The following PTPRN2 variants were observed in gnomAD, a reference collection of about 807,000 sequenced individuals.
PTPRN2 encodes protein tyrosine phosphatase receptor type N2, also known as receptor-type tyrosine-protein phosphatase N2.
A neutral mutation model predicts 118.8 loss-of-function variants in PTPRN2; 74 were observed. That is an observed-to-expected ratio of 0.62 (90% CI 0.52 to 0.76). The LOEUF is 0.76. PTPRN2 is among the 30% of genes least tolerant of loss of function. The pLI is 0.00. For missense variants in PTPRN2, 1,481 were observed against 1,394.4 expected, an observed-to-expected ratio of 1.06 and a Z score of -0.99; for synonymous variants, 641 against 608.0, an observed-to-expected ratio of 1.05 and a Z score of -0.80.
chr7:158,098,560 G>A (rs1814869382), intron 10 of PTPRN2, among the ~76,000 whole-genome samples: 1 of 152,204 alleles, frequency 6.6e-6, no homozygotes, highest in Non-Finnish European at 1.5e-5. Flanking sequence ...CAGGGGCAGG[G>A]AGCAGGCACG....
At position 157,596,346 on chromosome 7, in the gene PTPRN2, C is replaced by T. The variant is rs1346881339; in HGVS notation, c.2419-1031G>A. 7.9e-5 allele frequency among the ~76,000 whole-genome samples: 12 copies of T among 152,214 alleles called. No homozygotes were observed. The highest frequency in any genetic ancestry group is 7.9e-4 in the Admixed American group (12 of 15,282). On this transcript the variant is annotated intron_variant, in intron 16 of 22. Transcript: ENST00000389418. This position sits in a 1 kb window ranked among gnomAD's most constrained non-coding sequence, Gnocchi z 4.2. ...GGGAGTGGCCTCCTGTTCTGTTTCC[C>T]CACCAGGCAGGGACCAGAAACAAAG...
At position 158,428,881 on chromosome 7, in the gene PTPRN2, G is replaced by T. The variant is rs9638062; in HGVS notation, c.163+60854C>A. On this transcript the variant is annotated intron_variant, in intron 2 of 22. Transcript: ENST00000389418. The stretch of plus-strand genomic sequence containing the variant: ...AATGGAAATTATAAAAGCAGCTACC[G>T]TCATGCAGATCGTCCTGGGGGCATC... 2.6e-5 allele frequency among the ~76,000 whole-genome samples: 4 copies of T among 152,342 alleles called. 1 individual carries two copies. Among genetic ancestry groups the T allele is most frequent in the African/African-American group, 9.6e-5 (4 of 41,586 alleles).
rs570060875 is a variant in PTPRN2, at chr7:158,315,588, G to C, written c.277+1231C>G. ...CAGAGGTGATTGGAAACCCTCCTGT[G>C]AGCAGAATCTCCAGCAGTGCACCTG... On this transcript the variant is annotated intron_variant, in intron 3 of 22. Coordinates refer to ENST00000389418, the MANE Select transcript of PTPRN2 (RefSeq NM_002847.5). Among the ~76,000 whole-genome samples the C allele has an allele frequency of 7.3e-4, 111 of 152,356 alleles. 1 individual carries two copies. Among genetic ancestry groups the C allele is most frequent in the African/African-American group, 2.4e-3 (98 of 41,584 alleles).
intron 2 of PTPRN2, among the ~76,000 whole-genome samples, chr7:158,359,704 G>C (rs1808694895): frequency 1.3e-5 from 2 of 152,210 alleles, no homozygotes; most frequent in African/African-American, 4.8e-5. Context: ...AAACATTAAT[G>C]AGCAGTAATG....
At chr7:157,662,188 A>G (rs1304205823) in intron 13 of PTPRN2, among the ~76,000 whole-genome samples, 1 of 152,204 alleles carries the variant, frequency 6.6e-6, no homozygotes, top group Non-Finnish European at 1.5e-5. Context: ...TGAAGTGGTG[A>G]TAATGGTACC....
chr7:158,105,117 C>A (rs1815568505), intron 10 of PTPRN2, among the ~76,000 whole-genome samples: 1 of 150,860 alleles, frequency 6.6e-6, no homozygotes, highest in Non-Finnish European at 1.5e-5. Context: ...TACTAAGTGT[C>A]ATCATACTCC....
At chr7:158,004,089 C>T (rs1036531295) in intron 11 of PTPRN2, among the ~76,000 whole-genome samples, 4 of 152,152 alleles carry the variant, frequency 2.6e-5, no homozygotes, top group Non-Finnish European at 5.9e-5. Flanking sequence ...TGGTGACTCT[C>T]TAAGGTGATA....
chr7:158,445,857 C>A (rs1459752899), intron 2 of PTPRN2, among the ~76,000 whole-genome samples: 1 of 152,254 alleles, frequency 6.6e-6, no homozygotes, highest in Non-Finnish European at 1.5e-5. Context: ...CTGGCAAGAC[C>A]ATGTCAGTGC....
At chr7:158,541,113 A>G (rs1825963905) in intron 1 of PTPRN2, among the ~76,000 whole-genome samples, 1 of 152,162 alleles carries the variant, frequency 6.6e-6, no homozygotes, top group African/African-American at 2.4e-5. Context: ...TGGCCTTTCT[A>G]TTTGCCACAA....
In PTPRN2 at chr7:158,343,935, T is replaced by G. The variant is rs186136563; in HGVS notation, c.164-27003A>C. 9.2e-5 allele frequency among the ~76,000 whole-genome samples: 14 copies of G among 152,272 alleles called. No individual in the cohort carries two copies. In the East Asian group the frequency reaches 2.7e-3, roughly 29 times the overall value. On this transcript the variant is annotated intron_variant, in intron 2 of 22. Transcript: ENST00000389418. The stretch of plus-strand genomic sequence containing the variant: ...TTCCAGGCACCAGGATGAGTTTAAA[T>G]TCAGCTCCCAAAGAAGACCAGTGAA...
intron 2 of PTPRN2, among the ~76,000 whole-genome samples, chr7:158,331,889 TCACA>T (rs1336778645): frequency 6.7e-6 from 1 of 149,460 alleles, no homozygotes; most frequent in African/African-American, 2.5e-5. Flanking sequence ...CAGACGTCAC[TCACA>T]CCCACACTCT....
intron 12 of PTPRN2, among the ~76,000 whole-genome samples, chr7:157,810,064 C>G (rs114622354): frequency 6.6e-6 from 1 of 152,208 alleles, no homozygotes; most frequent in African/African-American, 2.4e-5. Flanking sequence ...GCAGAGAGGA[C>G]AGGGGAGCTT....
At position 158,351,883 on chromosome 7, in the gene PTPRN2, T is replaced by A. The variant is rs565613168; in HGVS notation, c.164-34951A>T. ...CACTCCCAGCCCAGCTCCCCTCCTG[T>A]CTGCTCGCCTCCTGTCCGCTCCCCT... On this transcript the variant is annotated intron_variant, in intron 2 of 22. Transcript: ENST00000389418. Among the ~76,000 whole-genome samples the A allele has an allele frequency of 8.8e-3, 704 of 79,998 alleles. 50 individuals are homozygous for A. Among genetic ancestry groups the A allele is most frequent in the Middle Eastern group, 0.024 (3 of 126 alleles). 52.5% of individuals were successfully genotyped at this position (79,998 alleles called of 152,430 possible).
chr7:157,958,737 T>G (rs1353008004), intron 11 of PTPRN2, among the ~76,000 whole-genome samples: 1 of 152,184 alleles, frequency 6.6e-6, no homozygotes, highest in Non-Finnish European at 1.5e-5. Context: ...AACTACAAAG[T>G]GTTGTTAAAT....
intron 20 of PTPRN2, among the ~76,000 whole-genome samples, chr7:157,569,221 C>T (rs1270022524): frequency 6.6e-6 from 1 of 152,262 alleles, no homozygotes; most frequent in African/African-American, 2.4e-5. Flanking sequence ...GTGACTCCCT[C>T]TTGCTTGTTC....
intron 2 of PTPRN2, among the ~76,000 whole-genome samples, chr7:158,437,636 G>C (rs139992581): frequency 6.6e-6 from 1 of 152,148 alleles, no homozygotes; most frequent in Admixed American, 6.5e-5. Context: ...CACACCTATG[G>C]CATGACCCAT....
intron 9 of PTPRN2, among the ~76,000 whole-genome samples, chr7:158,131,045 T>C: frequency 1.5e-5 from 1 of 66,118 alleles, no homozygotes. Flanking sequence ...TACACACACG[T>C]ACATACAGAC....
At chr7:157,997,203 C>T (rs567490086) in intron 11 of PTPRN2, among the ~76,000 whole-genome samples, 13 of 152,346 alleles carry the variant, frequency 8.5e-5, no homozygotes, top group African/African-American at 2.4e-4. Flanking sequence ...ACGTGCCCTG[C>T]GGGGCTGCCT....
At chr7:158,138,580 G>A in intron 6 of PTPRN2, 65 bp from the exon 7 acceptor site, 1 of 1,470,214 alleles carries the variant, frequency 6.8e-7, no homozygotes, top group African/African-American at 1.4e-5. Flanking sequence ...AGGGCCTCCA[G>A]ACCATAGGGG....
Sources: gnomAD v4.1 joint callset for allele counts (sites outside exome capture counted in the v4.1 genomes callset) on GRCh38, gnomAD v4.1.1 for gene constraint, Gnocchi (gnomAD v3.1) non-coding constraint, MANE v1.5 for transcripts, NCBI Gene and HGNC (gene_info 2026-07-23, HGNC 2026-07-21) for gene names.